Variants in ZNF124 observed in about 807,000 individuals in gnomAD.
ZNF124 encodes zinc finger protein HZF-16.
Under a neutral mutation model 26.6 loss-of-function variants are expected in ZNF124, and 25 were observed. The observed-to-expected ratio is 0.94, with a 90% confidence interval of 0.68 to 1.31. The LOEUF is 1.31. Ranked by LOEUF, ZNF124 falls within the 40% of genes most tolerant of loss-of-function variation. The pLI is 0.00. For synonymous variants in ZNF124, 129 were observed against 133.3 expected (o/e 0.97, Z 0.22); for missense variants, 444 against 422.2 (o/e 1.05, Z -0.45).
At chr1:247,169,574 C>T (rs1453334952) in intron 1 of ZNF124, among the ~76,000 whole-genome samples, 2 of 152,070 alleles carry the variant, frequency 1.3e-5, no homozygotes, top group Non-Finnish European at 2.9e-5. Context: ...GGGAAGTACT[C>T]AATGCCCACC....
chr1:247,168,561 T>C lies in ZNF124; in HGVS notation c.30+3287A>G, dbSNP rs934015861. 6.6e-6 allele frequency among the ~76,000 whole-genome samples: 1 copy of C among 151,858 alleles called. No homozygotes were observed. Among genetic ancestry groups the C allele is most frequent in the East Asian group, 1.9e-4 (1 of 5,172 alleles). On this transcript the variant is annotated intron_variant, in intron 1 of 3. Transcript: ENST00000543802. The surrounding 1 kb of genome is among the most constrained non-coding windows in gnomAD (Gnocchi z 4.0). The stretch of plus-strand genomic sequence containing the variant: ...TTAAAAAACAAACAAACAAAAACAC[T>C]TGCACACGCATGTTAACAGTAGCAC...
intron 1 of ZNF124, among the ~76,000 whole-genome samples, chr1:247,169,037 A>G (rs1448688970): frequency 2.6e-5 from 4 of 152,106 alleles, no homozygotes; most frequent in African/African-American, 9.7e-5. Flanking sequence ...TATATATATA[A>G]AGTGGATTTA....
chr1:247,124,385 T>A (rs1318965132), intron 3 of ZNF124, among the ~76,000 whole-genome samples: 1 of 151,804 alleles, frequency 6.6e-6, no homozygotes, highest in African/African-American at 2.4e-5. Context: ...GTATTTTTAG[T>A]AGAGACAGCG....
At chr1:247,169,835 G>C (rs2103141802) in intron 1 of ZNF124, among the ~76,000 whole-genome samples, 1 of 122,842 alleles carries the variant, frequency 8.1e-6, no homozygotes, top group South Asian at 2.8e-4. Context: ...AGTCCTAGTG[G>C]ATTAGCTTTT....
At chr1:247,160,591 T>C (rs1011270415) in intron 1 of ZNF124, among the ~76,000 whole-genome samples, 1 of 152,222 alleles carries the variant, frequency 6.6e-6, no homozygotes, top group Non-Finnish European at 1.5e-5. Context: ...TGTTGCTAAA[T>C]AGTTTATCTA....
intron 3 of ZNF124, among the ~76,000 whole-genome samples, chr1:247,139,804 G>A (rs1672579068): frequency 6.6e-6 from 1 of 152,224 alleles, no homozygotes; most frequent in South Asian, 2.1e-4. Flanking sequence ...TTTTCTTTAA[G>A]AATGTTGAAT....
intron 3 of ZNF124, among the ~76,000 whole-genome samples, chr1:247,137,487 C>CAAAAAAAAAAAAAAAAA (rs56926662): frequency 1.2e-5 from 1 of 81,634 alleles, no homozygotes; most frequent in African/African-American, 4.4e-5. Context: ...ACTAAAAATA[C>CAAAAAAAAAAAAAAAAA]AAAAAAAAAA....
At position 247,156,423 on chromosome 1, in the gene ZNF124, T is replaced by C. The variant is rs1323628907; in HGVS notation, c.*143A>G. The C allele has an allele frequency of 3.8e-6, 5 of 1,332,362 alleles. No individual in the cohort carries two copies. Among genetic ancestry groups the C allele is most frequent in the Non-Finnish European group, 4.8e-6 (5 of 1,042,988 alleles). 82.5% of individuals were successfully genotyped at this position (1,332,362 alleles called of 1,614,324 possible). ...TGCTTTACCTTATTGCTTATAGTCATAGGGTTTATCTCCAGTTTGATTCGT... is the reference window on the plus strand; with the variant it reads ...TGCTTTACCTTATTGCTTATAGTCACAGGGTTTATCTCCAGTTTGATTCGT... On this transcript the variant is annotated 3_prime_UTR_variant, in exon 4 of 4. Transcript: ENST00000543802.
chr1:247,159,539 A>G, intron 2 of ZNF124, 148 bp downstream of exon 2: 4 of 729,866 alleles, frequency 5.5e-6, no homozygotes, highest in Non-Finnish European at 8.6e-6. Context: ...AAAATAGACT[A>G]AGAAACAAGA....
At chr1:247,159,236 T>C (rs2103123878) in intron 2 of ZNF124, among the ~76,000 whole-genome samples, 170 bp from the exon 3 acceptor site, 1 of 152,338 alleles carries the variant, frequency 6.6e-6, no homozygotes, top group South Asian at 2.1e-4. Context: ...TCCTTATTAA[T>C]AGATTAATGT....
chr1:247,150,022 A>G (rs1194482778), downstream of ZNF124: 2 of 152,218 alleles, frequency 1.3e-5, no homozygotes, highest in African/African-American at 4.8e-5. Context: ...GAAGTCATTC[A>G]TCTCAATGAT....
At chr1:247,143,230 C>T (rs3850817) in intron 3 of ZNF124, among the ~76,000 whole-genome samples, 1 of 151,914 alleles carries the variant, frequency 6.6e-6, no homozygotes, top group East Asian at 1.9e-4. Flanking sequence ...AAGACACACC[C>T]AAATGCCTAT....
intron 3 of ZNF124, among the ~76,000 whole-genome samples, chr1:247,148,148 A>T (rs1488753316): frequency 6.6e-6 from 1 of 152,210 alleles, no homozygotes; most frequent in Non-Finnish European, 1.5e-5. Flanking sequence ...GGCTAGGAGA[A>T]TGAACATATG....
At chr1:247,128,231 C>A (rs1336833888) in intron 3 of ZNF124, among the ~76,000 whole-genome samples, 5 of 151,898 alleles carry the variant, frequency 3.3e-5, no homozygotes, top group Admixed American at 6.6e-5. Context: ...AGAGAATAAT[C>A]ACCTGATCTA....
chr1:247,131,641 C>G (rs1315792321), intron 3 of ZNF124, among the ~76,000 whole-genome samples: 1 of 152,208 alleles, frequency 6.6e-6, no homozygotes, highest in Non-Finnish European at 1.5e-5. Flanking sequence ...AGACCTGTCC[C>G]TACAGCCCAA....
rs1323728650 is a variant in ZNF124, at chr1:247,147,330, C to CATT, written c.218+11673_218+11675dup. On this transcript the variant is annotated intron_variant, in intron 3 of 3. Transcript: ENST00000472531. ...CAACCTCCGCTTCCTGGGTTCAAGC[C>CATT]ATTCTCCTGCCTCAGCCTCCAGAGT... Among the ~76,000 whole-genome samples, 12 of 151,576 alleles carry CATT rather than the reference C, an allele frequency of 7.9e-5. No individual in the cohort carries two copies. The South Asian group carries it at 2.5e-3, about 32-fold the overall frequency.
intron 3 of ZNF124, among the ~76,000 whole-genome samples, chr1:247,145,588 T>G (rs572692207): frequency 2.0e-5 from 3 of 152,208 alleles, no homozygotes; most frequent in Non-Finnish European, 2.9e-5. Flanking sequence ...CACAGCCTGG[T>G]TATAGTCAGT....
intron 3 of ZNF124, among the ~76,000 whole-genome samples, chr1:247,126,229 A>C (rs1672218368): frequency 6.9e-6 from 1 of 144,250 alleles, no homozygotes; most frequent in Non-Finnish European, 1.5e-5. Context: ...GCTGGGTCCC[A>C]ACCCAGAGAG....
intron 2 of ZNF124, 111 bp downstream of exon 2, chr1:247,159,576 A>T: frequency 4.4e-6 from 5 of 1,147,052 alleles, no homozygotes; most frequent in Non-Finnish European, 6.3e-6. Flanking sequence ...TCCATGCCTC[A>T]TTCACTCATC....
Sources: gnomAD v4.1 joint callset for allele counts (sites outside exome capture counted in the v4.1 genomes callset) on GRCh38, gnomAD v4.1.1 for gene constraint, Gnocchi (gnomAD v3.1) non-coding constraint, MANE v1.5 for transcripts, NCBI Gene and HGNC (gene_info 2026-07-23, HGNC 2026-07-21) for gene names.